The following FREM1 variants were observed in gnomAD, a reference collection of about 807,000 sequenced individuals.
The protein encoded by FREM1 is FRAS1 related extracellular matrix 1.
In FREM1, 220 loss-of-function variants were observed where a neutral mutation model predicts 210.1. The ratio of observed to expected loss-of-function variants is 1.05; its 90% CI spans 0.94 to 1.17. The LOEUF is 1.17. Among genes scored for constraint, FREM1 ranks in the 50% most tolerant of loss-of-function variants. The pLI is 0.00. For synonymous variants in FREM1, 1,189 were observed against 980.2 expected (o/e 1.21, Z -3.98); for missense variants, 3,454 against 2,675.5 (o/e 1.29, Z -6.42).
At chr9:14,857,010 CAA>C (rs1828883908) in intron 5 of FREM1, among the ~76,000 whole-genome samples, 3 of 151,936 alleles carry the variant, frequency 2.0e-5, no homozygotes, top group Admixed American at 1.3e-4. Context: ...AGGAGAAAAA[CAA>C]GAGAATTAAA....
In FREM1 at chr9:14,821,081, A is replaced by G. The variant is rs978277107; in HGVS notation, c.2338-1639T>C. 2.6e-5 allele frequency among the ~76,000 whole-genome samples: 4 copies of G among 152,208 alleles called. No individual in the cohort carries two copies. The South Asian group carries it at 8.3e-4, about 32-fold the overall frequency. ...GTCATTAGCTTTTTAATTCTTGCCC[A>G]GATCCAGTGCTCAGGTTTCTGGGAC... On this transcript the variant is annotated intron_variant, in intron 13 of 36. Transcript: ENST00000380880.
At chr9:14,804,613 T>C (rs529372843) in intron 19 of FREM1, among the ~76,000 whole-genome samples, 1 of 151,892 alleles carries the variant, frequency 6.6e-6, no homozygotes, top group East Asian at 1.9e-4. Context: ...AAACCATGAC[T>C]ACTTCCAGAG....
At chr9:14,905,787 A>G (rs563487549) in intron 1 of FREM1, among the ~76,000 whole-genome samples, 1 of 152,302 alleles carries the variant, frequency 6.6e-6, no homozygotes, top group Non-Finnish European at 1.5e-5. Context: ...GCTACTCGGG[A>G]GGCTGAGGCA....
intron 25 of FREM1, among the ~76,000 whole-genome samples, chr9:14,774,918 G>T (rs1848292341): frequency 6.6e-6 from 1 of 152,092 alleles, no homozygotes; most frequent in Admixed American, 6.6e-5. Flanking sequence ...AACAAAACTT[G>T]CTTCATATGA....
intron 1 of FREM1, among the ~76,000 whole-genome samples, chr9:14,871,971 T>C (rs953591884): frequency 6.6e-6 from 1 of 152,154 alleles, no homozygotes; most frequent in South Asian, 2.1e-4. Context: ...ATCAGATAGA[T>C]CTTTGTAGAC....
intron 1 of FREM1, among the ~76,000 whole-genome samples, chr9:14,900,947 T>G (rs973758492): frequency 6.6e-6 from 1 of 152,236 alleles, no homozygotes; most frequent in South Asian, 2.1e-4. Context: ...TTAGCAAAAT[T>G]GTCAGAAAGG....
At chr9:14,739,267 C>G (rs1241015238) in intron 36 of FREM1, among the ~76,000 whole-genome samples, 1 of 150,658 alleles carries the variant, frequency 6.6e-6, no homozygotes, top group Non-Finnish European at 1.5e-5. Context: ...CCATGCCTGG[C>G]TAATTTTTAA....
chr9:14,839,154 G>C (rs1825177273), intron 10 of FREM1, among the ~76,000 whole-genome samples: 1 of 152,194 alleles, frequency 6.6e-6, no homozygotes, highest in African/African-American at 2.4e-5. Flanking sequence ...GCCCAGAAAA[G>C]ATGAAGGTTG....
At chr9:14,746,500 A>C (rs1347430654) in intron 34 of FREM1, 32 bp from the exon 35 acceptor site, 2 of 1,541,762 alleles carry the variant, frequency 1.3e-6, no homozygotes, top group Admixed American at 1.7e-5. Context: ...TCATATCATA[A>C]TGGTCTTTAC....
intron 4 of FREM1, 124 bp from the exon 5 acceptor site, chr9:14,857,873 T>G: frequency 1.8e-6 from 1 of 565,088 alleles, no homozygotes; most frequent in East Asian, 3.0e-5. Flanking sequence ...TCATGTACCT[T>G]CCAATCATTC....
chr9:14,824,243 CTCTT>C (rs1821912947), intron 11 of FREM1, 128 bp from the exon 12 acceptor site: 1 of 608,716 alleles, frequency 1.6e-6, no homozygotes, highest in Admixed American at 2.7e-5. Context: ...TTTATATTCT[CTCTT>C]TATGTTGGGA....
At chr9:14,746,513 T>A in intron 34 of FREM1, 45 bp from the exon 35 acceptor site, 1 of 1,494,680 alleles carries the variant, frequency 6.7e-7, no homozygotes, top group East Asian at 2.3e-5. Context: ...GTCTTTACAA[T>A]CTGGAGTTGG....
chr9:14,840,113 C>G (rs958385892), intron 10 of FREM1, among the ~76,000 whole-genome samples: 6 of 152,206 alleles, frequency 3.9e-5, no homozygotes, highest in African/African-American at 1.4e-4. Flanking sequence ...CTGTTATACT[C>G]TTCTTAGCAC....
chr9:14,816,524 G>A (rs1241125990), intron 15 of FREM1, among the ~76,000 whole-genome samples: 6 of 152,132 alleles, frequency 3.9e-5, no homozygotes, highest in African/African-American at 1.4e-4. Flanking sequence ...CTCATGAATG[G>A]ATTAATGCTG....
intron 15 of FREM1, among the ~76,000 whole-genome samples, chr9:14,814,918 G>C (rs767359566): frequency 6.6e-5 from 10 of 152,158 alleles, no homozygotes. Context: ...CTATTGTCAT[G>C]GATGGAAGAT....
intron 23 of FREM1, among the ~76,000 whole-genome samples, chr9:14,788,585 A>C (rs536327555): frequency 6.6e-6 from 1 of 152,352 alleles, no homozygotes; most frequent in South Asian, 2.1e-4. Flanking sequence ...TGAAGATAAA[A>C]CTAGAGTTAC....
intron 1 of FREM1, among the ~76,000 whole-genome samples, chr9:14,897,576 G>A (rs1837964333): frequency 7.0e-6 from 1 of 142,852 alleles, no homozygotes. Flanking sequence ...AGGCTTAATC[G>A]AACTGTAATG....
chr9:14,890,944 A>G (rs1836708759), intron 1 of FREM1, among the ~76,000 whole-genome samples: 3 of 152,200 alleles, frequency 2.0e-5, no homozygotes, highest in African/African-American at 7.2e-5. Flanking sequence ...GTATCATACA[A>G]TTTTCACAAC....
intron 27 of FREM1, among the ~76,000 whole-genome samples, chr9:14,764,310 C>A (rs1194306120): frequency 2.6e-5 from 4 of 152,138 alleles, no homozygotes; most frequent in African/African-American, 7.2e-5. Flanking sequence ...TCTTTATTAG[C>A]AGTGTGAAAG....
Sources: allele counts gnomAD v4.1 joint callset (sites outside exome capture counted in the v4.1 genomes callset), GRCh38; gene constraint gnomAD v4.1.1; transcripts MANE v1.5; gene names NCBI Gene and HGNC (gene_info 2026-07-23, HGNC 2026-07-21).